Variants in COL25A1 observed in about 807,000 individuals in gnomAD.
The protein encoded by COL25A1 is collagen alpha-1(XXV) chain.
COL25A1 carries 103 observed loss-of-function variants against 128.4 expected under a neutral mutation model. The ratio of observed to expected loss-of-function variants is 0.80; its 90% CI spans 0.68 to 0.94. The LOEUF is 0.94. Ranked by LOEUF, COL25A1 falls within the 40% of genes least tolerant of loss-of-function variation. The pLI is 0.00. For synonymous variants in COL25A1, 279 were observed against 277.2 expected (o/e 1.01, Z -0.06); for missense variants, 745 against 840.0 (o/e 0.89, Z 1.40).
At chr4:109,104,183 A>G (rs1481185980) in intron 3 of COL25A1, among the ~76,000 whole-genome samples, 1 of 152,070 alleles carries the variant, frequency 6.6e-6, no homozygotes, top group East Asian at 1.9e-4. Flanking sequence ...AACCAGCCCT[A>G]GCAAAATGTT....
intron 3 of COL25A1, among the ~76,000 whole-genome samples, chr4:109,241,168 A>G (rs951171221): frequency 6.6e-6 from 1 of 151,982 alleles, no homozygotes; most frequent in African/African-American, 2.4e-5. Flanking sequence ...TGTTTGGTTT[A>G]GTTTTTCCTT....
At chr4:109,070,559 T>G (rs1560634638) in intron 3 of COL25A1, among the ~76,000 whole-genome samples, 2 of 152,150 alleles carry the variant, frequency 1.3e-5, no homozygotes, top group South Asian at 4.1e-4. Flanking sequence ...TATTATACTT[T>G]AAGTTCTAGG....
chr4:108,866,824 T>A (rs1466077612), intron 20 of COL25A1, among the ~76,000 whole-genome samples: 1 of 152,198 alleles, frequency 6.6e-6, no homozygotes, highest in African/African-American at 2.4e-5. Flanking sequence ...ATAATACCGA[T>A]GATGTGTGTA....
chr4:108,869,848 T>C (rs1285067173), intron 19 of COL25A1, among the ~76,000 whole-genome samples: 3 of 152,226 alleles, frequency 2.0e-5, no homozygotes, highest in South Asian at 2.1e-4. Context: ...GAGCAGTTGT[T>C]AATATTTTAA....
Position 109,301,868 on chromosome 4 carries a change from T to C in COL25A1, c.152A>G (p.Tyr51Cys), listed in dbSNP as rs1383329336. Residue 51 changes from tyrosine to cysteine, a missense_variant, in exon 2 of 38, where the codon TAC (tyrosine) becomes TGC (cysteine). Tyr to Cys is a radical substitution (Grantham distance 194, BLOSUM62 -2). Coordinates refer to ENST00000399132, the MANE Select transcript of COL25A1 (RefSeq NM_198721.4). ...LSVVAVVSCL[Y>C]LGVKTNDLQA... ...GAGGTCGTTGGTTTTCACACCCAGG[T>C]ACAGGCAAGACACCACGGCCACCAC... 1 of 1,614,110 alleles carries C rather than the reference T, an allele frequency of 6.2e-7. No homozygotes were observed. The highest frequency in any genetic ancestry group is 8.5e-7 in the Non-Finnish European group (1 of 1,180,014).
chr4:108,819,135 T>G, intron 36 of COL25A1, 117 bp downstream of exon 36: 3 of 676,172 alleles, frequency 4.4e-6, no homozygotes, highest in Non-Finnish European at 7.5e-6. Context: ...TGCACATGCA[T>G]GTAGTGTGTT....
At chr4:108,874,465 G>GT (rs70949054) in intron 19 of COL25A1, among the ~76,000 whole-genome samples, 77,122 of 151,462 alleles carry the variant, frequency 0.51, 21,352 homozygotes, top group East Asian at 0.93. Flanking sequence ...AATCCAGAGG[G>GT]TTTTTTTTAT....
intron 3 of COL25A1, among the ~76,000 whole-genome samples, chr4:109,174,764 A>C (rs1773927716): frequency 1.3e-5 from 2 of 152,220 alleles, no homozygotes; most frequent in Admixed American, 1.3e-4. Flanking sequence ...TTGACTATTG[A>C]ATGCAAAATT....
At chr4:108,981,001 T>C (rs1426681792) in intron 6 of COL25A1, among the ~76,000 whole-genome samples, 3 of 152,210 alleles carry the variant, frequency 2.0e-5, no homozygotes, top group Non-Finnish European at 4.4e-5. Flanking sequence ...CTCCCTAAAT[T>C]GCATGATGAA....
At chr4:109,197,442 T>C (rs1253477031) in intron 3 of COL25A1, among the ~76,000 whole-genome samples, 3 of 123,138 alleles carry the variant, frequency 2.4e-5, no homozygotes, top group Non-Finnish European at 4.9e-5. Flanking sequence ...TATTATATAT[T>C]ATATATATTA....
At chr4:109,261,337 C>T (rs566325440) in intron 3 of COL25A1, among the ~76,000 whole-genome samples, 6 of 152,184 alleles carry the variant, frequency 3.9e-5, no homozygotes, top group East Asian at 1.9e-4. Context: ...GTCAACATCA[C>T]GAAACCTCAT....
chr4:109,031,250 T>C (rs984390307), intron 5 of COL25A1, among the ~76,000 whole-genome samples: 1 of 152,180 alleles, frequency 6.6e-6, no homozygotes, highest in African/African-American at 2.4e-5. Flanking sequence ...TAGCTGGGAC[T>C]ACAGGCGCCT....
intron 5 of COL25A1, among the ~76,000 whole-genome samples, chr4:109,031,379 G>A (rs1277939006): frequency 2.6e-5 from 4 of 151,676 alleles, no homozygotes; most frequent in Non-Finnish European, 5.9e-5. Context: ...GCCTCCCAAA[G>A]TGCTAGGATT....
intron 6 of COL25A1, among the ~76,000 whole-genome samples, chr4:109,001,372 C>CAGGCATCTGAGATCCCGTCAGGT (rs1755350691): frequency 2.1e-4 from 5 of 24,148 alleles, no homozygotes; most frequent in Admixed American, 5.8e-4. Flanking sequence ...TTAAAAGAAA[C>CAGGCATCTGAGATCCCGTCAGGT]AGGCATCTGA....
At chr4:109,090,490 T>C (rs1764801360) in intron 3 of COL25A1, among the ~76,000 whole-genome samples, 1 of 152,194 alleles carries the variant, frequency 6.6e-6, no homozygotes, top group Non-Finnish European at 1.5e-5. Context: ...ATGAAAGTGC[T>C]TTCAGAATTT....
At chr4:108,823,758 C>G in intron 35 of COL25A1, 1 of 335,406 alleles carries the variant, frequency 3.0e-6, no homozygotes. Flanking sequence ...CAAAACATAT[C>G]TCCATTTCTC....
At chr4:109,000,114 A>G (rs550889242) in intron 6 of COL25A1, among the ~76,000 whole-genome samples, 1 of 152,274 alleles carries the variant, frequency 6.6e-6, no homozygotes, top group Non-Finnish European at 1.5e-5. Context: ...TTAAAGTATA[A>G]CAATAAAAAA....
intron 5 of COL25A1, among the ~76,000 whole-genome samples, chr4:109,011,814 T>G (rs1724469): frequency 0.51 from 77,715 of 152,110 alleles, 22,606 homozygotes; most frequent in African/African-American, 0.78. Context: ...CTTCAAGTGC[T>G]TAACACTCTC....
intron 3 of COL25A1, among the ~76,000 whole-genome samples, chr4:109,253,202 C>T (rs1327725807): frequency 6.6e-6 from 1 of 152,058 alleles, no homozygotes; most frequent in East Asian, 1.9e-4. Context: ...AGAAACAGAG[C>T]CAATATGATG....
Sources: gnomAD v4.1 joint callset for allele counts (sites outside exome capture counted in the v4.1 genomes callset) on GRCh38, gnomAD v4.1.1 for gene constraint, MANE v1.5 for transcripts, NCBI Gene and HGNC (gene_info 2026-07-23, HGNC 2026-07-21) for gene names.